Variants in GCLM observed in about 807,000 individuals in gnomAD.
GCLM encodes glutamate-cysteine ligase modifier subunit.
Under a neutral mutation model 36.0 loss-of-function variants are expected in GCLM, and 15 were observed. The ratio of observed to expected loss-of-function variants is 0.42; its 90% CI spans 0.28 to 0.64. The LOEUF (loss-of-function observed/expected upper bound fraction) is 0.64, where lower values mean the gene tolerates loss of function less well. GCLM is among the 30% of genes least tolerant of loss of function. GCLM has a pLI of 0.25. For synonymous variants in GCLM, 129 were observed against 122.8 expected (o/e 1.05, Z -0.34); for missense variants, 242 against 325.5 (o/e 0.74, Z 1.97).
intron 2 of GCLM, among the ~76,000 whole-genome samples, chr1:93,903,525 C>T (rs1406790509): frequency 6.8e-6 from 1 of 147,210 alleles, no homozygotes; most frequent in African/African-American, 2.5e-5. Context: ...GCCATGTTGG[C>T]CAGACTGGTC....
chr1:93,898,524 G>C (rs746938489), intron 3 of GCLM, among the ~76,000 whole-genome samples: 37 of 151,772 alleles, frequency 2.4e-4, no homozygotes, highest in Non-Finnish European at 4.7e-4. Context: ...ATTTTTTGTA[G>C]AGACAGGGTC....
At chr1:93,889,280 A>G in intron 6 of GCLM, 121 bp from the exon 7 acceptor site, 1 of 537,510 alleles carries the variant, frequency 1.9e-6, no homozygotes, top group Non-Finnish European at 3.1e-6. Context: ...AATATATAAT[A>G]TGCTTATTCT....
At chr1:93,899,945 A>G (rs924946943) in intron 3 of GCLM, among the ~76,000 whole-genome samples, 1 of 152,182 alleles carries the variant, frequency 6.6e-6, no homozygotes, top group African/African-American at 2.4e-5. Context: ...CAGAAGAGCA[A>G]CAAAAAAAAT....
chr1:93,907,892 T>C (rs1439059898), intron 1 of GCLM, among the ~76,000 whole-genome samples: 2 of 152,222 alleles, frequency 1.3e-5, no homozygotes, highest in African/African-American at 4.8e-5. Flanking sequence ...TGCTGCTGCA[T>C]GGTCTGTTAC....
At chr1:93,903,093 A>G (rs1657019942) in intron 2 of GCLM, among the ~76,000 whole-genome samples, 1 of 152,150 alleles carries the variant, frequency 6.6e-6, no homozygotes, top group Non-Finnish European at 1.5e-5. Context: ...CATAATTTAT[A>G]TATACACTCG....
intron 6 of GCLM, among the ~76,000 whole-genome samples, chr1:93,890,449 C>T (rs1656494325): frequency 6.6e-6 from 1 of 152,026 alleles, no homozygotes; most frequent in Admixed American, 6.6e-5. Context: ...AAATAATGCC[C>T]ATTTTACAGG....
chr1:93,901,710 T>C (rs1310273768), intron 2 of GCLM, 41 bp from the exon 3 acceptor site: 3 of 1,018,732 alleles, frequency 2.9e-6, no homozygotes. Context: ...TAAAATTTAA[T>C]GCTTCTGATT....
intron 3 of GCLM, among the ~76,000 whole-genome samples, chr1:93,898,348 C>T (rs2100917027): frequency 7.1e-6 from 1 of 141,600 alleles, no homozygotes; most frequent in Admixed American, 7.2e-5. Flanking sequence ...TTCTACCTTC[C>T]CAATACAATC....
At chr1:93,907,561 G>C (rs1423204091) in intron 1 of GCLM, among the ~76,000 whole-genome samples, 2 of 152,130 alleles carry the variant, frequency 1.3e-5, no homozygotes, top group Admixed American at 6.5e-5. Context: ...TTTAGAGTAT[G>C]CTATTGTGAG....
intron 1 of GCLM, among the ~76,000 whole-genome samples, chr1:93,907,164 T>C (rs1657174006): frequency 6.6e-6 from 1 of 152,210 alleles, no homozygotes; most frequent in African/African-American, 2.4e-5. Flanking sequence ...TTCTTTTACA[T>C]AGAAACAAAA....
intron 4 of GCLM, 128 bp from the exon 5 acceptor site, chr1:93,896,948 T>A (rs921638489): frequency 9.6e-5 from 61 of 633,648 alleles, no homozygotes; most frequent in Admixed American, 1.9e-4. Context: ...ACAGATTATT[T>A]CATAGTTTAC....
In GCLM at chr1:93,889,192, G is replaced by A. The variant is rs779099854; in HGVS notation, c.656-33C>T. The stretch of plus-strand genomic sequence containing the variant: ...AAACAACAACAAACAAAACTCCAGC[G>A]TGTTAAATTGGAAAACAAAAAAGCA... On this transcript the variant is annotated intron_variant, in intron 6 of 6. Coordinates refer to ENST00000370238, the MANE Select transcript of GCLM (RefSeq NM_002061.4). 26 of 1,478,878 alleles carry A rather than the reference G, an allele frequency of 1.8e-5. No individual in the cohort carries two copies. In the South Asian group the frequency reaches 2.2e-4, roughly 12 times the overall value. 91.6% of individuals were successfully genotyped at this position (1,478,878 alleles called of 1,614,324 possible).
intron 6 of GCLM, among the ~76,000 whole-genome samples, chr1:93,890,897 G>A (rs925415053): frequency 6.8e-6 from 1 of 146,148 alleles, no homozygotes; most frequent in Non-Finnish European, 1.5e-5. Flanking sequence ...TTTTTTTTGA[G>A]GCAATGTCTT....
At chr1:93,890,791 A>G (rs1479172031) in intron 6 of GCLM, among the ~76,000 whole-genome samples, 1 of 152,212 alleles carries the variant, frequency 6.6e-6, no homozygotes, top group Admixed American at 6.5e-5. Flanking sequence ...TATATTGCCA[A>G]CTGCTTTACA....
chr1:93,888,977 G>T lies in GCLM; in HGVS notation c.*13C>A. On this transcript the variant is annotated 3_prime_UTR_variant, in exon 7 of 7. Transcript: ENST00000370238. ...TTGAAGGAAATTACAGGTAAGTTAT[G>T]CTCCTAAGTCAGTTAAGAACCCCTT... 1 of 1,525,874 alleles carries T rather than the reference G, an allele frequency of 6.6e-7. No individual in the cohort carries two copies. The highest frequency in any genetic ancestry group is 8.8e-7 in the Non-Finnish European group (1 of 1,135,204). 94.5% of individuals were successfully genotyped at this position (1,525,874 alleles called of 1,614,324 possible).
chr1:93,899,677 C>T (rs1269258139), intron 3 of GCLM, among the ~76,000 whole-genome samples: 1 of 152,070 alleles, frequency 6.6e-6, no homozygotes, highest in Admixed American at 6.6e-5. Flanking sequence ...ACACCACCAC[C>T]AATTAACAAT....
intron 1 of GCLM, among the ~76,000 whole-genome samples, chr1:93,907,885 T>C (rs543869121): frequency 6.6e-6 from 1 of 152,328 alleles, no homozygotes; most frequent in South Asian, 2.1e-4. Flanking sequence ...TGCCGTGTGC[T>C]GCTGCATGGT....
chr1:93,904,638 T>C (rs750118004), intron 1 of GCLM, 50 bp from the exon 2 acceptor site: 6 of 1,093,070 alleles, frequency 5.5e-6, no homozygotes, highest in Non-Finnish European at 7.1e-6. Context: ...TATATACTTT[T>C]CTGTACTTCT....
At chr1:93,889,616 CTATA>C (rs1557725397) in intron 6 of GCLM, among the ~76,000 whole-genome samples, 1 of 151,632 alleles carries the variant, frequency 6.6e-6, no homozygotes, top group Non-Finnish European at 1.5e-5. Flanking sequence ...TCTTGAATCT[CTATA>C]TATCTCTAGA....
Sources: gnomAD v4.1 joint callset for allele counts (sites outside exome capture counted in the v4.1 genomes callset) on GRCh38, gnomAD v4.1.1 for gene constraint, MANE v1.5 for transcripts, NCBI Gene and HGNC (gene_info 2026-07-23, HGNC 2026-07-21) for gene names.